Variants in CCDC171 observed in about 807,000 individuals in gnomAD.
CCDC171 encodes the protein coiled-coil domain containing 171, also known as coiled-coil domain-containing protein 171.
Under a neutral mutation model 168.2 loss-of-function variants are expected in CCDC171, and 177 were observed. The ratio of observed to expected loss-of-function variants is 1.05; its 90% CI spans 0.93 to 1.19. The LOEUF (loss-of-function observed/expected upper bound fraction) is 1.19, where lower values mean the gene tolerates loss of function less well. Ranked by LOEUF, CCDC171 falls within the 50% of genes most tolerant of loss-of-function variation. The pLI, the probability that CCDC171 is intolerant of heterozygous loss-of-function variation, is 0.00. For missense variants in CCDC171, 1,991 were observed against 1,539.0 expected, an observed-to-expected ratio of 1.29 and a Z score of -4.91; for synonymous variants, 687 against 540.8, an observed-to-expected ratio of 1.27 and a Z score of -3.75.
At chr9:15,960,960 T>A (rs1383077163) in intron 25 of CCDC171, among the ~76,000 whole-genome samples, 1 of 151,874 alleles carries the variant, frequency 6.6e-6, no homozygotes, top group East Asian at 1.9e-4. Context: ...AGGTGTGATA[T>A]AATGGAACAA....
intron 7 of CCDC171, among the ~76,000 whole-genome samples, chr9:15,630,722 C>A (rs895134872): frequency 6.6e-5 from 10 of 152,188 alleles, no homozygotes; most frequent in African/African-American, 2.2e-4. Flanking sequence ...ACAGAATATA[C>A]ATTTTTTTCA....
intron 1 of CCDC171, among the ~76,000 whole-genome samples, chr9:16,043,698 TG>T (rs973211611): frequency 1.3e-5 from 2 of 152,226 alleles, no homozygotes; most frequent in African/African-American, 4.8e-5. Context: ...GATGTGGCTT[TG>T]TTCCTTACTA....
intron 25 of CCDC171, among the ~76,000 whole-genome samples, chr9:15,943,978 T>C (rs886930522): frequency 1.3e-5 from 2 of 152,020 alleles, no homozygotes; most frequent in African/African-American, 4.8e-5. Flanking sequence ...CAGGGAGAAC[T>C]ATGTGAACCG....
At chr9:15,968,225 C>G (rs1159402620) in intron 25 of CCDC171, among the ~76,000 whole-genome samples, 1 of 152,098 alleles carries the variant, frequency 6.6e-6, no homozygotes, top group East Asian at 1.9e-4. Context: ...TAACTAATTT[C>G]CTTTTGAAAA....
At chr9:15,627,039 T>A (rs1460810268) in intron 7 of CCDC171, among the ~76,000 whole-genome samples, 2 of 152,236 alleles carry the variant, frequency 1.3e-5, no homozygotes, top group Non-Finnish European at 2.9e-5. Context: ...CCTGGTTTAG[T>A]CTTGGGAGGG....
intron 18 of CCDC171, among the ~76,000 whole-genome samples, chr9:15,750,013 A>T (rs968359323): frequency 7.4e-5 from 11 of 149,092 alleles, no homozygotes; most frequent in African/African-American, 2.5e-4. Context: ...AAAACCCTTT[A>T]AAAAAAATCA....
Position 15,777,738 on chromosome 9 carries a change from A to G in CCDC171, c.2810A>G (p.Asp937Gly), listed in dbSNP as rs753052796. The change falls in exon 19 of 26, where the codon GAT (aspartate) becomes GGT (glycine). Residue 937 changes from aspartate (D) to glycine (G), a missense_variant. Asp to Gly is a moderately conservative substitution (Grantham distance 94, BLOSUM62 -1). Coordinates refer to ENST00000380701, the MANE Select transcript of CCDC171 (RefSeq NM_173550.4). ...SSRSITYVEK[D>G]SLVQRLAHGL... ...AGGAGTATTACATATGTAGAAAAAG[A>G]TTCCCTGGTTCAGAGGCTGGCCCAT... The G allele has an allele frequency of 3.7e-6, 6 of 1,613,952 alleles. No homozygotes were observed. The highest frequency in any genetic ancestry group is 5.1e-6 in the Non-Finnish European group (6 of 1,180,024).
At chr9:15,860,240 A>G (rs1252495837) in intron 23 of CCDC171, among the ~76,000 whole-genome samples, 1 of 149,628 alleles carries the variant, frequency 6.7e-6, no homozygotes, top group African/African-American at 2.5e-5. Context: ...GATTTTCTCT[A>G]TTGTGTTTTT....
chr9:15,856,778 C>G (rs1207315698), intron 23 of CCDC171, among the ~76,000 whole-genome samples: 1 of 151,972 alleles, frequency 6.6e-6, no homozygotes, highest in Non-Finnish European at 1.5e-5. Context: ...TGTGAAATCT[C>G]CATACTTTTT....
intron 23 of CCDC171, among the ~76,000 whole-genome samples, chr9:15,868,380 T>C (rs79068670): frequency 6.6e-6 from 1 of 152,090 alleles, no homozygotes; most frequent in East Asian, 1.9e-4. Context: ...TCCTGGGACA[T>C]TGTGGTTTGG....
intron 21 of CCDC171, among the ~76,000 whole-genome samples, chr9:15,813,741 A>G (rs1421422810): frequency 6.6e-6 from 1 of 152,180 alleles, no homozygotes; most frequent in Non-Finnish European, 1.5e-5. Context: ...TTTATACTGT[A>G]AATAAGTCAT....
intron 25 of CCDC171, among the ~76,000 whole-genome samples, chr9:15,962,312 C>T (rs73646892): frequency 0.018 from 2,770 of 152,216 alleles, 99 homozygotes; most frequent in African/African-American, 0.064. Flanking sequence ...CATAATTTTT[C>T]ACCGCGTAGC....
chr9:15,814,497 T>A (rs1478610893), intron 21 of CCDC171, among the ~76,000 whole-genome samples: 1 of 152,144 alleles, frequency 6.6e-6, no homozygotes, highest in African/African-American at 2.4e-5. Context: ...TGAAATGACA[T>A]TGCTTATATG....
At chr9:15,724,521 C>CT (rs2053676044) in intron 13 of CCDC171, among the ~76,000 whole-genome samples, 2 of 152,092 alleles carry the variant, frequency 1.3e-5, no homozygotes, top group Admixed American at 1.3e-4. Context: ...CTTGGAAGAA[C>CT]TTTTTGGAAT....
chr9:15,695,314 C>T lies in CCDC171; in HGVS notation c.1295C>T (p.Thr432Ile). 6.2e-7 allele frequency: 1 copy of T among 1,613,940 alleles called. No homozygotes were observed. Among genetic ancestry groups the T allele is most frequent in the Non-Finnish European group, 8.5e-7 (1 of 1,179,802 alleles). The change falls in exon 11 of 26, where the codon ACT (threonine) becomes ATT (isoleucine). Residue 432 changes from threonine (T) to isoleucine (I), a missense_variant. Coordinates refer to ENST00000380701, the MANE Select transcript of CCDC171 (RefSeq NM_173550.4). ...KELESILDSF[T>I]VSGQWTSGIH... ...TTGGAATCGATCTTGGACAGCTTTACTGTGTCGGGCCAGTGGACATCAGGT... is the reference window on the plus strand; with the variant it reads ...TTGGAATCGATCTTGGACAGCTTTATTGTGTCGGGCCAGTGGACATCAGGT...
At chr9:16,099,918 A>G in the CCDC171 span, among the ~76,000 whole-genome samples, 1 of 152,042 alleles carries the variant, frequency 6.6e-6, no homozygotes, top group East Asian at 1.9e-4. Flanking sequence ...CTCACTGGCC[A>G]TTGCTTGCCT....
intron 7 of CCDC171, among the ~76,000 whole-genome samples, chr9:15,648,811 G>T (rs1402239544): frequency 6.6e-6 from 1 of 152,150 alleles, no homozygotes; most frequent in African/African-American, 2.4e-5. Context: ...TCATGAAAAT[G>T]GCCATACTGC....
intron 25 of CCDC171, among the ~76,000 whole-genome samples, chr9:15,964,993 C>T (rs1288031647): frequency 6.6e-6 from 1 of 152,122 alleles, no homozygotes; most frequent in Non-Finnish European, 1.5e-5. Flanking sequence ...AAACTCGTGA[C>T]TTCAGGTGAT....
intron 24 of CCDC171, among the ~76,000 whole-genome samples, chr9:15,914,339 C>T (rs1824167577): frequency 6.6e-6 from 1 of 152,160 alleles, no homozygotes; most frequent in Non-Finnish European, 1.5e-5. Context: ...TCAGAGATTC[C>T]CTGCCCAGAG....
Sources: gnomAD v4.1 joint callset for allele counts (sites outside exome capture counted in the v4.1 genomes callset) on GRCh38, gnomAD v4.1.1 for gene constraint, MANE v1.5 for transcripts, NCBI Gene and HGNC (gene_info 2026-07-23, HGNC 2026-07-21) for gene names.